The following NRXN2 variants were observed in gnomAD, a reference collection of about 807,000 sequenced individuals.
The protein encoded by NRXN2 is neurexin-2-beta.
A neutral mutation model predicts 128.8 loss-of-function variants in NRXN2; 29 were observed. That is an observed-to-expected ratio of 0.23 (90% CI 0.17 to 0.31). NRXN2 has a LOEUF of 0.31. Among genes scored for constraint, NRXN2 ranks in the 10% least tolerant of loss-of-function variants. The probability of loss-of-function intolerance (pLI) is 1.00; values close to 1 mark genes in which losing one functional copy is unlikely to be tolerated. For synonymous variants in NRXN2, 1,098 were observed against 1,075.2 expected, an observed-to-expected ratio of 1.02 and a Z score of -0.41; for missense variants, 1,881 against 2,452.6, an observed-to-expected ratio of 0.77 and a Z score of 4.92.
At position 64,687,517 on chromosome 11, in the gene NRXN2, G is replaced by A. The variant is rs2053227713; in HGVS notation, c.851-1570C>T. ...CCTGAGGCCACAGGGCAGCAAGGCTGGTGGGGGCCTGGGCAACATCGGGAC... is the reference window on the plus strand; with the variant it reads ...CCTGAGGCCACAGGGCAGCAAGGCTAGTGGGGGCCTGGGCAACATCGGGAC... On this transcript the variant is annotated intron_variant, in intron 5 of 22. Transcript: ENST00000265459. 3.3e-5 allele frequency among the ~76,000 whole-genome samples: 5 copies of A among 152,332 alleles called. No individual in the cohort carries two copies. The South Asian group carries it at 1.0e-3, about 32-fold the overall frequency.
intron 1 of NRXN2, among the ~76,000 whole-genome samples, chr11:64,716,428 A>G (rs1032548682): frequency 6.6e-6 from 1 of 152,200 alleles, no homozygotes; most frequent in African/African-American, 2.4e-5. Context: ...GGAGGCTGCC[A>G]GAGGCTGGAA....
At chr11:64,700,089 A>G (rs866919637) in intron 2 of NRXN2, among the ~76,000 whole-genome samples, 1 of 152,052 alleles carries the variant, frequency 6.6e-6, no homozygotes, top group Non-Finnish European at 1.5e-5. Context: ...TGATTCACCT[A>G]TGCCCCTCAC....
chr11:64,711,393 C>A (rs1377811402), intron 2 of NRXN2, among the ~76,000 whole-genome samples: 1 of 152,202 alleles, frequency 6.6e-6, no homozygotes. Flanking sequence ...GAGAGACGCG[C>A]ATGCGCCGCC....
intron 2 of NRXN2, among the ~76,000 whole-genome samples, chr11:64,699,824 T>C (rs992138936): frequency 6.6e-6 from 1 of 152,210 alleles, no homozygotes; most frequent in Non-Finnish European, 1.5e-5. Flanking sequence ...CCAGGATTTC[T>C]TTGGTCCCAG....
At chr11:64,673,516 T>C (rs2050894257) in intron 7 of NRXN2, among the ~76,000 whole-genome samples, 1 of 152,202 alleles carries the variant, frequency 6.6e-6, no homozygotes, top group African/African-American at 2.4e-5. Flanking sequence ...AAGAGCTGAT[T>C]CCTAGTACAG....
chr11:64,642,121 G>T (rs2045766683), intron 17 of NRXN2, among the ~76,000 whole-genome samples: 2 of 151,942 alleles, frequency 1.3e-5, no homozygotes, highest in South Asian at 4.2e-4. Flanking sequence ...GTGAGGCAGA[G>T]GTGGAGGCAA....
Position 64,650,475 on chromosome 11 carries a change from T to C in NRXN2, c.3082A>G (p.Asn1028Asp). Residue 1028 changes from asparagine to aspartate, a missense_variant, in exon 15 of 23, where the codon AAT becomes GAT. Around this residue, in one of 7 missense-constraint regions of NRXN2, gnomAD observed 390 missense variants for 599.6 expected, o/e 0.65. Transcript: ENST00000265459. ...TTGAGATCGAGGTTTCGGGCGCCATTGGAGTGCTGCGTGACAGTGCGGGAG... is the reference window on the plus strand; with the variant it reads ...TTGAGATCGAGGTTTCGGGCGCCATCGGAGTGCTGCGTGACAGTGCGGGAG... Reference protein sequence around the residue: ...IDSRTVTQHSNGARNLDLKGE... With the variant: ...IDSRTVTQHSDGARNLDLKGE... The C allele has an allele frequency of 1.2e-6, 2 of 1,613,964 alleles. No homozygotes were observed. Among genetic ancestry groups the C allele is most frequent in the East Asian group, 2.2e-5 (1 of 44,862 alleles).
rs1456432315 is a variant in NRXN2 at position 64,723,196 on chromosome 11, C to G, written c.-470G>C. The G allele has an allele frequency of 1.3e-5, 2 of 151,682 alleles. No individual in the cohort carries two copies. Among genetic ancestry groups the G allele is most frequent in the Non-Finnish European group, 2.9e-5 (2 of 67,828 alleles). 9.4% of individuals were successfully genotyped at this position (151,682 alleles called of 1,614,324 possible). A position where few individuals can be genotyped will look rare whatever the true frequency, so the allele number is the denominator to read the frequency against. Reference sequence around the variant, plus strand: ...CGCCGCCGCATCCCTGCAACACCGACTGACGGCAGCATCAGCACCAGTGCC... The same window carrying G: ...CGCCGCCGCATCCCTGCAACACCGAGTGACGGCAGCATCAGCACCAGTGCC... On this transcript the variant is annotated 5_prime_UTR_variant, in exon 1 of 23. Transcript: ENST00000265459.
intron 11 of NRXN2, among the ~76,000 whole-genome samples, chr11:64,654,448 C>A (rs2047955239): frequency 6.6e-6 from 1 of 152,202 alleles, no homozygotes; most frequent in African/African-American, 2.4e-5. Context: ...ACAGTGCAGC[C>A]CCCAAAATAT....
At chr11:64,619,843 C>T (rs981162857) in intron 22 of NRXN2, among the ~76,000 whole-genome samples, 4 of 152,116 alleles carry the variant, frequency 2.6e-5, no homozygotes, top group Admixed American at 2.6e-4. Flanking sequence ...AAGAGGAGGG[C>T]CCAGGATCCA....
Position 64,676,954 on chromosome 11 carries a change from C to T in NRXN2, c.1197+39G>A, listed in dbSNP as rs367889670. On this transcript the variant is annotated intron_variant, in intron 7 of 22. Coordinates refer to ENST00000265459, the MANE Select transcript of NRXN2 (RefSeq NM_015080.4). The stretch of plus-strand genomic sequence containing the variant: ...AGAATCGAACAGTTAAAAAAACCCA[C>T]GGCAAACCAAACGGTAAGACAATTA... 11 of 1,593,634 alleles carry T rather than the reference C, an allele frequency of 6.9e-6. No individual in the cohort carries two copies. The African/African-American group carries it at 8.0e-5, about 12-fold the overall frequency.
chr11:64,626,775 A>G (rs2043120450), intron 19 of NRXN2, among the ~76,000 whole-genome samples: 2 of 152,188 alleles, frequency 1.3e-5, no homozygotes, highest in African/African-American at 4.8e-5. Flanking sequence ...ACCCAAAGCA[A>G]AAGAGATGAG....
At chr11:64,647,031 G>A (rs2135438420) in intron 17 of NRXN2, among the ~76,000 whole-genome samples, 1 of 152,272 alleles carries the variant, frequency 6.6e-6, no homozygotes, top group South Asian at 2.1e-4. Context: ...CCTGGACCCA[G>A]TAGGTTTCTC....
At chr11:64,611,699 C>T (rs1359075494) in intron 22 of NRXN2, among the ~76,000 whole-genome samples, 2 of 152,206 alleles carry the variant, frequency 1.3e-5, no homozygotes, top group Non-Finnish European at 2.9e-5. Flanking sequence ...CACCCTTCTG[C>T]AGCCTTCCTC....
At chr11:64,610,332 G>C (rs762110165) in intron 22 of NRXN2, among the ~76,000 whole-genome samples, 1 of 152,158 alleles carries the variant, frequency 6.6e-6, no homozygotes, top group Non-Finnish European at 1.5e-5. Flanking sequence ...ATCCCAGCTC[G>C]TTATGGATAA....
At position 64,661,124 on chromosome 11, in the gene NRXN2, T is replaced by C. The variant is rs761163804; in HGVS notation, c.1814A>G (p.Asn605Ser). 2 of 1,613,418 alleles carry C rather than the reference T, an allele frequency of 1.2e-6. No individual in the cohort carries two copies. The highest frequency in any genetic ancestry group is 1.1e-5 in the South Asian group (1 of 91,086). ...RDGRKGSISV[N>S]SRSTPFLATG... The stretch of plus-strand genomic sequence containing the variant: ...GGCCAAGAACGGCGTGCTGCGACTA[T>C]TCACTGAGATGGAGCCTGGGAATCA... The change falls in exon 10 of 23, where the codon AAT (asparagine) becomes AGT (serine). Residue 605 changes from asparagine (N) to serine (S), a missense_variant. Physicochemically the swap from Asn to Ser is conservative, Grantham distance 46. Transcript: ENST00000265459.
intron 22 of NRXN2, among the ~76,000 whole-genome samples, chr11:64,613,795 C>G (rs151290683): frequency 5.0e-4 from 76 of 152,302 alleles, no homozygotes; most frequent in Non-Finnish European, 9.3e-4. Flanking sequence ...CACGATAACA[C>G]AAACCTGAGA....
At chr11:64,690,192 C>A (rs1200260642) in intron 5 of NRXN2, among the ~76,000 whole-genome samples, 1 of 152,214 alleles carries the variant, frequency 6.6e-6, no homozygotes. Context: ...AACAACTGGG[C>A]TTTGCGAAAG....
rs749676949 is a variant in NRXN2 at position 64,660,333 on chromosome 11, G to C, written c.2388C>G (p.Leu796=). ...GGAAGCACAGGGCAGGGTGGTTACC[G>C]AGGTTGACAGTGAGCTTCATCTGCC... ...DGGQMKLTVN[L]DCLRVGCAPS... Residue 796 remains leucine (L), a splice_region_variant and synonymous_variant, in exon 11 of 23, where the codon CTC becomes CTG. Coordinates refer to ENST00000265459, the MANE Select transcript of NRXN2 (RefSeq NM_015080.4). The surrounding 1 kb of genome is among the most constrained non-coding windows in gnomAD (Gnocchi z 5.2). 3 of 1,613,232 alleles carry C rather than the reference G, an allele frequency of 1.9e-6. No individual in the cohort carries two copies. In the South Asian group the frequency reaches 3.3e-5, roughly 18 times the overall value.
Sources: gnomAD v4.1 joint callset for allele counts (sites outside exome capture counted in the v4.1 genomes callset) on GRCh38, gnomAD v4.1.1 for gene constraint, gnomAD v4.1.1 regional missense constraint, Gnocchi (gnomAD v3.1) non-coding constraint, MANE v1.5 for transcripts, NCBI Gene and HGNC (gene_info 2026-07-23, HGNC 2026-07-21) for gene names.